Variants in NHSL1 observed in about 807,000 individuals in gnomAD.
NHSL1 encodes NHS like 1.
A neutral mutation model predicts 95.0 loss-of-function variants in NHSL1; 48 were observed. The ratio of observed to expected loss-of-function variants is 0.51; its 90% CI spans 0.40 to 0.64. The LOEUF (loss-of-function observed/expected upper bound fraction) is 0.64. NHSL1 is among the 30% of genes least tolerant of loss of function. The pLI, the probability that NHSL1 is intolerant of heterozygous loss-of-function variation, is 0.00. For missense variants in NHSL1, 1,971 were observed against 2,077.7 expected (o/e 0.95, Z 1.00); for synonymous variants, 783 against 833.9 (o/e 0.94, Z 1.05).
rs756950265 is a variant in NHSL1 at position 138,432,529 on chromosome 6, C to A, written c.1816G>T (p.Gly606Cys). The change falls in exon 6 of 8, where the codon GGC (glycine) becomes TGC (cysteine). Residue 606 changes from glycine to cysteine, a missense_variant. By Grantham distance (159) the Gly-to-Cys change is radical. This residue lies in a region of NHSL1 where 1,602 missense variants were observed against 1,654.5 expected (regional missense o/e 0.97). Coordinates refer to ENST00000343505, the MANE Select transcript of NHSL1 (RefSeq NM_001144060.2). This position sits in a 1 kb window ranked among gnomAD's most constrained non-coding sequence, Gnocchi z 4.4. ...AGSLYSEDHD[G>C]YCASVHTDSG... ...TCAGTGTGCACAGATGCACAGTAGC[C>A]ATCGTGGTCCTCAGAATACAGCGAC... 40 of 1,552,058 alleles carry A rather than the reference C, an allele frequency of 2.6e-5. No individual in the cohort carries two copies. Among genetic ancestry groups the A allele is most frequent in the Non-Finnish European group, 3.3e-5 (38 of 1,147,074 alleles).
chr6:138,444,101 G>A (rs1776706485), intron 4 of NHSL1, among the ~76,000 whole-genome samples: 1 of 152,034 alleles, frequency 6.6e-6, no homozygotes, highest in Non-Finnish European at 1.5e-5. Context: ...CTGGCACAAA[G>A]CAGTTATTCA....
chr6:138,475,047 G>T (rs1462086264), intron 2 of NHSL1, among the ~76,000 whole-genome samples: 1 of 151,792 alleles, frequency 6.6e-6, no homozygotes, highest in African/African-American at 2.4e-5. Context: ...ACTCGGGAAG[G>T]TTGAGGCAGG....
At chr6:138,575,641 G>T (rs1290531055), upstream of NHSL1, among the ~76,000 whole-genome samples, 4 of 152,138 alleles carry the variant, frequency 2.6e-5, no homozygotes, top group African/African-American at 9.7e-5. Flanking sequence ...AACTGGATCA[G>T]AGTTCCTGTT....
At chr6:138,478,893 T>C (rs1779251368) in intron 2 of NHSL1, among the ~76,000 whole-genome samples, 1 of 152,160 alleles carries the variant, frequency 6.6e-6, no homozygotes, top group South Asian at 2.1e-4. Context: ...GGGACAAACA[T>C]TTCTTGGTAG....
At chr6:138,572,889 A>AGATAGATAGATC (rs57030054), upstream of NHSL1, among the ~76,000 whole-genome samples, 1 of 151,576 alleles carries the variant, frequency 6.6e-6, no homozygotes, top group Admixed American at 6.6e-5. Context: ...ATAGATAGAT[A>AGATAGATAGATC]CATCCAACAT....
chr6:138,552,709 G>C (rs917119784), intron 1 of NHSL1, among the ~76,000 whole-genome samples: 1 of 152,080 alleles, frequency 6.6e-6, no homozygotes, highest in African/African-American at 2.4e-5. Flanking sequence ...CTGGGCTCTT[G>C]GCTTAGATAA....
Position 138,423,047 on chromosome 6 carries a change from A to G in NHSL1, c.*1034T>C, listed in dbSNP as rs1775012859. ...GATATCCAAAAGTTAGCAAATGTTGACATTTCAAGTGACAGGAAATTGCCT... is the reference window on the plus strand; with the variant it reads ...GATATCCAAAAGTTAGCAAATGTTGGCATTTCAAGTGACAGGAAATTGCCT... On this transcript the variant is annotated 3_prime_UTR_variant, in exon 8 of 8. Transcript: ENST00000343505. 2 of 151,112 alleles carry G rather than the reference A, an allele frequency of 1.3e-5. No individual in the cohort carries two copies. Among genetic ancestry groups the G allele is most frequent in the African/African-American group, 4.9e-5 (2 of 41,082 alleles). 9.4% of individuals were successfully genotyped at this position (151,112 alleles called of 1,614,324 possible). A position where few individuals can be genotyped will look rare whatever the true frequency, so the allele number is the denominator to read the frequency against.
chr6:138,524,311 A>G (rs1472986475), intron 1 of NHSL1, among the ~76,000 whole-genome samples: 2 of 152,182 alleles, frequency 1.3e-5, no homozygotes, highest in African/African-American at 4.8e-5. Context: ...CACAAAGTGA[A>G]CGCCCATGTA....
intron 1 of NHSL1, among the ~76,000 whole-genome samples, chr6:138,592,018 A>G (rs991994660): frequency 6.6e-6 from 1 of 152,198 alleles, no homozygotes; most frequent in Non-Finnish European, 1.5e-5. Flanking sequence ...GAAAGTTCCC[A>G]TTTGAAAATG....
At chr6:138,549,042 G>T (rs1208468687), upstream of NHSL1, among the ~76,000 whole-genome samples, 1 of 151,962 alleles carries the variant, frequency 6.6e-6, no homozygotes, top group Non-Finnish European at 1.5e-5. Context: ...AAGATGAGAT[G>T]ATACTGCATT....
At chr6:138,660,213 C>T (rs61448779) in intron 1 of NHSL1, among the ~76,000 whole-genome samples, 6,093 of 152,216 alleles carry the variant, frequency 0.04, 317 homozygotes, top group African/African-American at 0.12. Flanking sequence ...AGTAGCATAC[C>T]CAGTATCAGC....
At chr6:138,558,370 C>T (rs1348638634) in intron 1 of NHSL1, among the ~76,000 whole-genome samples, 7 of 150,906 alleles carry the variant, frequency 4.6e-5, no homozygotes, top group Non-Finnish European at 5.9e-5. Flanking sequence ...GATCCACCTG[C>T]GTCAGCCTCC....
intron 1 of NHSL1, among the ~76,000 whole-genome samples, chr6:138,551,828 C>T (rs1377701840): frequency 6.6e-6 from 1 of 152,176 alleles, no homozygotes; most frequent in Non-Finnish European, 1.5e-5. Context: ...GCTCTGGACA[C>T]TGCCTCTCAC....
At chr6:138,530,639 G>T (rs9495112) in intron 1 of NHSL1, among the ~76,000 whole-genome samples, 3,294 of 152,278 alleles carry the variant, frequency 0.022, 106 homozygotes, top group African/African-American at 0.076. Flanking sequence ...CAACTTGGAT[G>T]GAGATGGAGA....
intron 1 of NHSL1, among the ~76,000 whole-genome samples, chr6:138,594,964 GC>G (rs151298630): frequency 0.021 from 3,244 of 152,212 alleles, 52 homozygotes; most frequent in East Asian, 0.066. Flanking sequence ...CCCAGCACAA[GC>G]CCCATCCAGC....
At chr6:138,601,367 C>G (rs563736937) in intron 1 of NHSL1, among the ~76,000 whole-genome samples, 149 of 152,256 alleles carry the variant, frequency 9.8e-4, no homozygotes, top group African/African-American at 3.3e-3. Flanking sequence ...GTTAGAAAAC[C>G]CTTTAACCTT....
chr6:138,482,668 G>A (rs1779500125), intron 2 of NHSL1, among the ~76,000 whole-genome samples: 1 of 152,100 alleles, frequency 6.6e-6, no homozygotes, highest in Non-Finnish European at 1.5e-5. Flanking sequence ...AACACAGAAT[G>A]AATACACAGA....
At chr6:138,457,844 C>A (rs995081016) in intron 3 of NHSL1, among the ~76,000 whole-genome samples, 1 of 151,972 alleles carries the variant, frequency 6.6e-6, no homozygotes, top group African/African-American at 2.4e-5. Flanking sequence ...CCCGTCTCTA[C>A]TAAAAATACA....
At chr6:138,468,200 T>C (rs13216366) in intron 3 of NHSL1, among the ~76,000 whole-genome samples, 8,458 of 152,308 alleles carry the variant, frequency 0.056, 648 homozygotes, top group East Asian at 0.29. Context: ...GCTCCATTCA[T>C]GGTAAGTGCC....
Sources: allele counts gnomAD v4.1 joint callset (sites outside exome capture counted in the v4.1 genomes callset), GRCh38; gene constraint gnomAD v4.1.1; regional missense constraint gnomAD v4.1.1; non-coding constraint Gnocchi (gnomAD v3.1); transcripts MANE v1.5; gene names NCBI Gene and HGNC (gene_info 2026-07-23, HGNC 2026-07-21).